The following ARMH4 variants were observed in gnomAD, a reference collection of about 807,000 sequenced individuals.
ARMH4 encodes armadillo like helical domain containing 4.
ARMH4 carries 49 observed loss-of-function variants against 61.9 expected under a neutral mutation model. The observed-to-expected ratio is 0.79, with a 90% confidence interval of 0.63 to 1.00. ARMH4 has a LOEUF of 1.00. Among genes scored for constraint, ARMH4 ranks in the 50% least tolerant of loss-of-function variants. The pLI, the probability that ARMH4 is intolerant of heterozygous loss-of-function variation, is 0.00. For synonymous variants in ARMH4, 368 were observed against 341.5 expected, an observed-to-expected ratio of 1.08 and a Z score of -0.85; for missense variants, 934 against 930.0, an observed-to-expected ratio of 1.00 and a Z score of -0.06.
At chr14:58,080,857 TTTGGGAGGCCGAG>T (rs1885199537) in intron 5 of ARMH4, among the ~76,000 whole-genome samples, 1 of 152,106 alleles carries the variant, frequency 6.6e-6, no homozygotes, top group Non-Finnish European at 1.5e-5. Context: ...ATCCTAGCAC[TTTGGGAGGCCGAG>T]GCGGGCAGAT....
chr14:58,121,796 A>G (rs893051196), intron 4 of ARMH4, among the ~76,000 whole-genome samples: 1 of 152,262 alleles, frequency 6.6e-6, no homozygotes, highest in Non-Finnish European at 1.5e-5. Context: ...TAAGACACTT[A>G]AAGTGACACA....
chr14:58,088,915 C>A (rs1284496563), intron 5 of ARMH4, among the ~76,000 whole-genome samples: 1 of 152,120 alleles, frequency 6.6e-6, no homozygotes, highest in African/African-American at 2.4e-5. Flanking sequence ...CTCCATCTCC[C>A]TACATAAACA....
chr14:58,010,024 C>A (rs66813811), intron 6 of ARMH4, among the ~76,000 whole-genome samples: 11,293 of 152,126 alleles, frequency 0.074, 501 homozygotes, highest in African/African-American at 0.12. Context: ...AGACTCAATA[C>A]TGGAACAATT....
chr14:58,025,768 C>T (rs1883000273), intron 5 of ARMH4, among the ~76,000 whole-genome samples: 2 of 152,094 alleles, frequency 1.3e-5, no homozygotes, highest in Admixed American at 6.6e-5. Context: ...AATTTACCTG[C>T]TTCAAAATCA....
chr14:58,032,167 T>A lies in ARMH4; in HGVS notation c.2090-20017A>T, dbSNP rs551058997. Among the ~76,000 whole-genome samples the A allele has an allele frequency of 2.6e-5, 4 of 152,164 alleles. No individual in the cohort carries two copies. In the East Asian group the frequency reaches 7.7e-4, roughly 29 times the overall value. On this transcript the variant is annotated intron_variant, in intron 5 of 7. Coordinates refer to ENST00000267485, the MANE Select transcript of ARMH4 (RefSeq NM_001001872.4). ...TCTGGGCCCTACACTAGATCTCTCA[T>A]CTGGAGAACCCAGATGAGACTTATG...
chr14:58,025,357 G>A (rs952272851), intron 5 of ARMH4, among the ~76,000 whole-genome samples: 1 of 152,016 alleles, frequency 6.6e-6, no homozygotes, highest in Non-Finnish European at 1.5e-5. Context: ...GATTCCTTAG[G>A]TTCCCATTGA....
intron 1 of ARMH4, among the ~76,000 whole-genome samples, chr14:58,142,470 T>C (rs1887598407): frequency 6.6e-6 from 1 of 151,964 alleles, no homozygotes; most frequent in Non-Finnish European, 1.5e-5. Context: ...TTTTCTTTTC[T>C]CTTCTCTTTT....
At chr14:58,140,485 G>A (rs1887501213) in intron 1 of ARMH4, among the ~76,000 whole-genome samples, 1 of 151,872 alleles carries the variant, frequency 6.6e-6, no homozygotes, top group African/African-American at 2.4e-5. Context: ...GGAGGCTGAG[G>A]CAAGAGAGTT....
chr14:58,018,207 G>C (rs1275780638), intron 5 of ARMH4, among the ~76,000 whole-genome samples: 2 of 152,008 alleles, frequency 1.3e-5, no homozygotes, highest in African/African-American at 4.8e-5. Context: ...TATGACACTG[G>C]ACATGGCAAT....
At chr14:58,100,683 T>G (rs1373598808) in intron 4 of ARMH4, among the ~76,000 whole-genome samples, 1 of 152,172 alleles carries the variant, frequency 6.6e-6, no homozygotes. Flanking sequence ...TTTAGATTCT[T>G]GACAGGTGTT....
intron 5 of ARMH4, among the ~76,000 whole-genome samples, chr14:58,051,401 G>C (rs1003337556): frequency 2.6e-5 from 4 of 152,136 alleles, no homozygotes; most frequent in African/African-American, 9.7e-5. Context: ...TCTGAGGTAA[G>C]ACCCACACTC....
chr14:58,123,348 G>T (rs1439259108), intron 4 of ARMH4, among the ~76,000 whole-genome samples: 1 of 152,058 alleles, frequency 6.6e-6, no homozygotes, highest in Admixed American at 6.6e-5. Flanking sequence ...TAAACTAAAG[G>T]ATTCTGCCTC....
At chr14:58,092,119 C>T (rs969784713) in intron 5 of ARMH4, among the ~76,000 whole-genome samples, 17 of 151,880 alleles carry the variant, frequency 1.1e-4, no homozygotes, top group African/African-American at 3.9e-4. Flanking sequence ...ATTTTTAGTT[C>T]ACTACCCACC....
Position 58,060,192 on chromosome 14 carries a change from T to C in ARMH4, c.2089+36532A>G, listed in dbSNP as rs191002120. ...TTCCTGAGCTCCACTTTATTCACTCTTTCATTTGTCTACCTACACTGAAAA... is the reference window on the plus strand; with the variant it reads ...TTCCTGAGCTCCACTTTATTCACTCCTTCATTTGTCTACCTACACTGAAAA... On this transcript the variant is annotated intron_variant, in intron 5 of 7. Transcript: ENST00000267485. Among the ~76,000 whole-genome samples the C allele has an allele frequency of 1.8e-3, 273 of 152,348 alleles. 2 individuals are homozygous for C. Among genetic ancestry groups the C allele is most frequent in the African/African-American group, 6.3e-3 (264 of 41,578 alleles).
At chr14:58,057,340 G>A (rs988494808) in intron 5 of ARMH4, among the ~76,000 whole-genome samples, 2 of 152,148 alleles carry the variant, frequency 1.3e-5, no homozygotes, top group African/African-American at 2.4e-5. Context: ...TAGGTACTAC[G>A]CAATTTGTTA....
intron 4 of ARMH4, among the ~76,000 whole-genome samples, chr14:58,112,399 A>G (rs1047821205): frequency 2.0e-5 from 3 of 150,414 alleles, no homozygotes; most frequent in Non-Finnish European, 4.4e-5. Context: ...AAATTTTACC[A>G]CGCATATTTA....
At chr14:58,073,141 C>T (rs1245557920) in intron 5 of ARMH4, among the ~76,000 whole-genome samples, 3 of 152,076 alleles carry the variant, frequency 2.0e-5, no homozygotes, top group Non-Finnish European at 4.4e-5. Context: ...ATGAAATTCC[C>T]ACCTCTTTGG....
intron 5 of ARMH4, among the ~76,000 whole-genome samples, chr14:58,049,004 A>G (rs747355683): frequency 3.3e-5 from 5 of 152,074 alleles, no homozygotes; most frequent in Non-Finnish European, 5.9e-5. Flanking sequence ...TTGGGAGGCC[A>G]AGGAGGGCGG....
intron 5 of ARMH4, among the ~76,000 whole-genome samples, chr14:58,083,140 T>C (rs1293165631): frequency 6.6e-6 from 1 of 152,206 alleles, no homozygotes; most frequent in African/African-American, 2.4e-5. Flanking sequence ...CCACTGAGAC[T>C]TTAGAGTTGT....
Sources: gnomAD v4.1 joint callset for allele counts (sites outside exome capture counted in the v4.1 genomes callset) on GRCh38, gnomAD v4.1.1 for gene constraint, MANE v1.5 for transcripts, NCBI Gene and HGNC (gene_info 2026-07-23, HGNC 2026-07-21) for gene names.